The following AOAH variants were observed in gnomAD, a reference collection of about 807,000 sequenced individuals.
The protein encoded by AOAH is acyloxyacyl hydrolase.
AOAH carries 64 observed loss-of-function variants against 92.2 expected under a neutral mutation model. That is an observed-to-expected ratio of 0.69 (90% CI 0.57 to 0.86). The LOEUF is 0.86. AOAH is among the 40% of genes least tolerant of loss of function. The pLI, the probability that AOAH is intolerant of heterozygous loss-of-function variation, is 0.00. For synonymous variants in AOAH, 263 were observed against 254.5 expected, an observed-to-expected ratio of 1.03 and a Z score of -0.32; for missense variants, 656 against 694.6, an observed-to-expected ratio of 0.94 and a Z score of 0.62.
At chr7:36,526,297 G>T (rs1039715264) in intron 19 of AOAH, among the ~76,000 whole-genome samples, 6 of 152,158 alleles carry the variant, frequency 3.9e-5, no homozygotes, top group African/African-American at 1.4e-4. Context: ...TGTCTGTGAG[G>T]GATATGGGTC....
At chr7:36,551,076 C>CTT (rs11373192) in intron 13 of AOAH, among the ~76,000 whole-genome samples, 1,667 of 136,934 alleles carry the variant, frequency 0.012, 27 homozygotes, top group Middle Eastern at 0.02. Flanking sequence ...TCATTTCTTT[C>CTT]TTTTTTTTTT....
At chr7:36,685,110 C>A (rs1375565451) in intron 2 of AOAH, among the ~76,000 whole-genome samples, 1 of 151,736 alleles carries the variant, frequency 6.6e-6, no homozygotes, top group Non-Finnish European at 1.5e-5. Flanking sequence ...AAATACAGAG[C>A]ACAGAGAAAC....
chr7:36,529,932 G>A (rs1258021995), intron 19 of AOAH, among the ~76,000 whole-genome samples: 1 of 152,174 alleles, frequency 6.6e-6, no homozygotes, highest in African/African-American at 2.4e-5. Flanking sequence ...TTTGCCATGG[G>A]CAAGTTCTTT....
At chr7:36,602,446 T>TC (rs1302616068) in intron 11 of AOAH, among the ~76,000 whole-genome samples, 5 of 151,656 alleles carry the variant, frequency 3.3e-5, no homozygotes, top group Non-Finnish European at 7.4e-5. Context: ...TTCCATTGTT[T>TC]TTTTTTTTTT....
At chr7:36,636,511 G>C (rs529021110) in intron 5 of AOAH, among the ~76,000 whole-genome samples, 14 of 152,282 alleles carry the variant, frequency 9.2e-5, no homozygotes, top group Non-Finnish European at 1.5e-4. Context: ...AGTTCTGAAG[G>C]GGGTGGTCAA....
intron 20 of AOAH, among the ~76,000 whole-genome samples, chr7:36,517,167 T>TTTCTTTCC (rs1455125851): frequency 6.2e-5 from 3 of 48,228 alleles, no homozygotes; most frequent in African/African-American, 2.1e-4. Flanking sequence ...TCTTTCTTTC[T>TTTCTTTCC]TTCTTTCTTT....
chr7:36,609,929 G>A (rs1431109639), intron 11 of AOAH, among the ~76,000 whole-genome samples: 1 of 151,854 alleles, frequency 6.6e-6, no homozygotes, highest in African/African-American at 2.4e-5. Flanking sequence ...GCCTAAGTTA[G>A]AACTGACATT....
chr7:36,694,723 C>T (rs1185861581), intron 1 of AOAH, among the ~76,000 whole-genome samples: 4 of 152,016 alleles, frequency 2.6e-5, no homozygotes, highest in Non-Finnish European at 4.4e-5. Flanking sequence ...ATTAATCAAT[C>T]GATTTTTTCT....
intron 12 of AOAH, among the ~76,000 whole-genome samples, chr7:36,587,664 T>C (rs917676344): frequency 4.6e-5 from 7 of 152,164 alleles, no homozygotes; most frequent in African/African-American, 1.2e-4. Flanking sequence ...TTGCTACATA[T>C]CACATTAGAA....
chr7:36,566,586 A>G (rs1787731239), intron 13 of AOAH, among the ~76,000 whole-genome samples: 1 of 152,066 alleles, frequency 6.6e-6, no homozygotes, highest in Non-Finnish European at 1.5e-5. Flanking sequence ...CTCTAAAATA[A>G]TAATTGGTCA....
At chr7:36,646,010 G>T (rs1794200135) in intron 4 of AOAH, among the ~76,000 whole-genome samples, 1 of 151,982 alleles carries the variant, frequency 6.6e-6, no homozygotes, top group South Asian at 2.1e-4. Context: ...CTTAAAAAAA[G>T]CGTTATTTTA....
At chr7:36,683,486 G>C (rs1429456631) in intron 2 of AOAH, among the ~76,000 whole-genome samples, 3 of 152,178 alleles carry the variant, frequency 2.0e-5, no homozygotes, top group Non-Finnish European at 1.5e-5. Flanking sequence ...AATGGGAAAG[G>C]CATATGCAAA....
At chr7:36,675,522 C>G (rs1168377505) in intron 2 of AOAH, among the ~76,000 whole-genome samples, 5 of 152,080 alleles carry the variant, frequency 3.3e-5, no homozygotes, top group Non-Finnish European at 1.5e-5. Context: ...AAAGGAAAGC[C>G]TAAGACCAGC....
chr7:36,513,116 A>C lies in AOAH; in HGVS notation c.*136T>G. 3 of 1,605,418 alleles carry C rather than the reference A, an allele frequency of 1.9e-6. No homozygotes were observed. Among genetic ancestry groups the C allele is most frequent in the South Asian group, 2.2e-5 (2 of 90,842 alleles). ...TCCAGATATGCTCTTCATTGAGAGA[A>C]AGACATTTTGCAAAGATGCTGCTGA... On this transcript the variant is annotated 3_prime_UTR_variant, in exon 21 of 21. Coordinates refer to ENST00000617537, the MANE Select transcript of AOAH (RefSeq NM_001637.4).
chr7:36,517,670 G>A (rs184543465), intron 20 of AOAH, among the ~76,000 whole-genome samples: 66 of 139,582 alleles, frequency 4.7e-4, no homozygotes, highest in Middle Eastern at 4.3e-3. Flanking sequence ...GCGTGATCTC[G>A]GCTCACTGTA....
chr7:36,673,382 AC>A (rs1796042933), intron 3 of AOAH, among the ~76,000 whole-genome samples: 1 of 142,604 alleles, frequency 7.0e-6, no homozygotes, highest in Non-Finnish European at 1.5e-5. Flanking sequence ...TACTAAGAAT[AC>A]AAAAATTAGC....
chr7:36,572,479 C>T (rs1029417275), intron 13 of AOAH, among the ~76,000 whole-genome samples: 4 of 151,346 alleles, frequency 2.6e-5, no homozygotes, highest in African/African-American at 7.3e-5. Context: ...GCTATGACCA[C>T]GCCACTGTGC....
At chr7:36,673,895 C>T (rs781061799) in intron 3 of AOAH, 48 bp downstream of exon 3, 1 of 1,377,106 alleles carries the variant, frequency 7.3e-7, no homozygotes, top group Non-Finnish European at 1.0e-6. Flanking sequence ...TCTTGTTCCT[C>T]CCATGTCCCA....
chr7:36,618,592 G>A (rs1792062907), intron 9 of AOAH, among the ~76,000 whole-genome samples: 1 of 152,204 alleles, frequency 6.6e-6, no homozygotes, highest in Non-Finnish European at 1.5e-5. Flanking sequence ...GCTGGGTAGG[G>A]TTCTGGGAGA....
Sources: allele counts gnomAD v4.1 joint callset (sites outside exome capture counted in the v4.1 genomes callset), GRCh38; gene constraint gnomAD v4.1.1; transcripts MANE v1.5; gene names NCBI Gene and HGNC (gene_info 2026-07-23, HGNC 2026-07-21).